The following NKIRAS2 variants were observed in gnomAD, a reference collection of about 807,000 sequenced individuals.
NKIRAS2 encodes the protein NF-kappa-B inhibitor-interacting Ras-like protein 2.
In NKIRAS2, 15 loss-of-function variants were observed where a neutral mutation model predicts 20.7. That is an observed-to-expected ratio of 0.73 (90% CI 0.49 to 1.12). NKIRAS2 has a LOEUF of 1.12. NKIRAS2 is among the 50% of genes most tolerant of loss of function. The pLI is 0.00. For missense variants in NKIRAS2, 196 were observed against 249.6 expected (o/e 0.79, Z 1.45); for synonymous variants, 116 against 101.4 (o/e 1.14, Z -0.87).
upstream of NKIRAS2, chr17:42,017,589 G>A (rs1176149480): frequency 1.3e-5 from 10 of 789,926 alleles, no homozygotes; most frequent in African/African-American, 3.5e-5. Context: ...TGTCCACGGT[G>A]GTCTCCGCGC....
In NKIRAS2 at chr17:42,022,613, G is replaced by A. The variant is rs2052483696; in HGVS notation, c.309G>A (p.Glu103=). The A allele has an allele frequency of 1.9e-6, 3 of 1,613,742 alleles. No homozygotes were observed. The South Asian group carries it at 3.3e-5, about 18-fold the overall frequency. The change falls in exon 3 of 4, where the codon GAG becomes GAA. Residue 103 remains glutamate (E), a synonymous_variant. Transcript: ENST00000393885. The part of the protein sequence containing the change: ...SFQRVELLKK[E]IDKSKDKKEV... ...AGCGTGTGGAGCTGCTCAAGAAGGA[G>A]ATTGACAAATCCAAGGACAAGAAGG... is the stretch of plus-strand genomic sequence containing the variant.
upstream of NKIRAS2, among the ~76,000 whole-genome samples, chr17:42,019,540 T>C (rs2052391443): frequency 6.6e-6 from 1 of 152,238 alleles, no homozygotes. Flanking sequence ...AGGTCCTTTC[T>C]ACCACCAATA....
intron 1 of NKIRAS2, 125 bp downstream of exon 1, chr17:42,020,329 G>A (rs911011691): frequency 6.6e-6 from 1 of 152,386 alleles, no homozygotes; most frequent in Non-Finnish European, 1.5e-5. Flanking sequence ...ATCTGTGGCG[G>A]AGGCACCTCT....
Position 42,023,670 on chromosome 17 carries a change from T to C in NKIRAS2, c.353T>C (p.Leu118Pro). 1 of 1,614,198 alleles carries C rather than the reference T, an allele frequency of 6.2e-7. No individual in the cohort carries two copies. The highest frequency in any genetic ancestry group is 2.2e-5 in the East Asian group (1 of 44,880). The change falls in exon 4 of 4, where the codon CTT (leucine) becomes CCT (proline). Residue 118 changes from leucine (L) to proline (P), a missense_variant. Transcript: ENST00000393885. ...KDKKEVTIVV[L>P]GNKCDLQEQR... The stretch of plus-strand genomic sequence containing the variant: ...CTTCCCCAGGTCACCATCGTGGTCC[T>C]TGGCAACAAGTGTGACTTACAGGAG...
upstream of NKIRAS2, among the ~76,000 whole-genome samples, chr17:42,019,448 A>G (rs144040755): frequency 1.7e-3 from 256 of 152,270 alleles, no homozygotes; most frequent in African/African-American, 5.6e-3. Context: ...ATTGCCGTCA[A>G]TTTGATCTCT....
upstream of NKIRAS2, among the ~76,000 whole-genome samples, chr17:42,017,993 C>T (rs1195786199): frequency 2.0e-5 from 3 of 152,136 alleles, no homozygotes; most frequent in African/African-American, 7.2e-5. Flanking sequence ...TCATCCACTC[C>T]GGATCTCCAA....
intron 1 of NKIRAS2, chr17:42,021,336 A>G (rs1213647568): frequency 4.1e-6 from 2 of 493,244 alleles, no homozygotes; most frequent in Non-Finnish European, 7.4e-6. Context: ...CCAGTAGTAG[A>G]CATGGAGACA....
At chr17:42,022,327 C>T (rs782199758) in intron 2 of NKIRAS2, 72 bp from the exon 3 acceptor site, 7 of 1,503,870 alleles carry the variant, frequency 4.7e-6, no homozygotes, top group Middle Eastern at 1.8e-4. Flanking sequence ...TTTGGTCAGC[C>T]TTAAGATGCT....
chr17:42,020,391 G>A (rs994117123), intron 1 of NKIRAS2, 187 bp downstream of exon 1: 1 of 152,484 alleles, frequency 6.6e-6, no homozygotes, highest in Non-Finnish European at 1.5e-5. Flanking sequence ...TGGAGAGGGG[G>A]TCTGTGTCAG....
At chr17:42,019,092 T>G (rs1255887375), upstream of NKIRAS2, among the ~76,000 whole-genome samples, 2 of 152,172 alleles carry the variant, frequency 1.3e-5, no homozygotes, top group Non-Finnish European at 2.9e-5. Flanking sequence ...CCATCCCGAT[T>G]CAGGCGCTCA....
upstream of NKIRAS2, among the ~76,000 whole-genome samples, chr17:42,019,488 C>G (rs1255692651): frequency 6.6e-6 from 1 of 152,140 alleles, no homozygotes; most frequent in African/African-American, 2.4e-5. Flanking sequence ...CTTTGATTAT[C>G]TGTTTCTTTT....
Position 42,024,192 on chromosome 17 carries a change from A to C in NKIRAS2, c.*299A>C, listed in dbSNP as rs1056035570. 2.5e-6 allele frequency: 1 copy of C among 396,194 alleles called. No individual in the cohort carries two copies. 24.5% of individuals were successfully genotyped at this position (396,194 alleles called of 1,614,324 possible). Reference sequence around the variant, plus strand: ...TCCCTTCCAGCTGCCCCAGACAGGAAGCAGAGTCACCACGCAGCAGTGTCC... The same window carrying C: ...TCCCTTCCAGCTGCCCCAGACAGGACGCAGAGTCACCACGCAGCAGTGTCC... On this transcript the variant is annotated 3_prime_UTR_variant, in exon 4 of 4. Transcript: ENST00000393885.
chr17:42,019,832 GA>G (rs1379756988), upstream of NKIRAS2, among the ~76,000 whole-genome samples: 2 of 152,260 alleles, frequency 1.3e-5, no homozygotes, highest in Non-Finnish European at 2.9e-5. Context: ...ACGAATAAAT[GA>G]TTGAGTAAAC....
intron 1 of NKIRAS2, 198 bp from the exon 2 acceptor site, chr17:42,021,366 A>G (rs1427990173): frequency 3.6e-6 from 2 of 549,156 alleles, no homozygotes; most frequent in South Asian, 2.1e-5. Flanking sequence ...TCTGACTAGC[A>G]TTGGGATGGT....
chr17:42,020,383 G>A (rs2143428064), intron 1 of NKIRAS2, 179 bp downstream of exon 1: 1 of 152,678 alleles, frequency 6.5e-6, no homozygotes, highest in East Asian at 1.9e-4. Context: ...TCGCTATATG[G>A]AGAGGGGGTC....
upstream of NKIRAS2, among the ~76,000 whole-genome samples, chr17:42,019,299 A>C (rs976624652): frequency 2.0e-5 from 3 of 151,888 alleles, no homozygotes; most frequent in Non-Finnish European, 2.9e-5. Flanking sequence ...ACAACAACAA[A>C]ACAACAGAAA....
At chr17:42,018,347 G>A (rs879982442), upstream of NKIRAS2, 5 of 152,122 alleles carry the variant, frequency 3.3e-5, no homozygotes, top group Non-Finnish European at 7.3e-5. Context: ...GAGCTTTCTG[G>A]GGTTAAATTG....
Position 42,021,655 on chromosome 17 carries a change from T to C in NKIRAS2, c.78T>C (p.Tyr26=). ...GKTSILEQLL[Y]GNHVVGSEMI... is the part of the protein sequence containing the mutation. The stretch of plus-strand genomic sequence containing the variant: ...CTTCAATCCTGGAGCAGCTTCTGTA[T>C]GGGAACCATGTAGTGGGTGAGTGTT... Residue 26 remains tyrosine, a synonymous_variant, in exon 2 of 4, where the codon TAT becomes TAC. Coordinates refer to ENST00000393885, the MANE Select transcript of NKIRAS2 (RefSeq NM_017595.6). 1.9e-6 allele frequency: 3 copies of C among 1,614,080 alleles called. No individual in the cohort carries two copies. Among genetic ancestry groups the C allele is most frequent in the Non-Finnish European group, 2.5e-6 (3 of 1,179,946 alleles).
In NKIRAS2 at chr17:42,022,653, G is replaced by C; in HGVS notation, c.336+13G>C. The stretch of plus-strand genomic sequence containing the variant: ...GGACAAGAAGGAGGTGTGTGGCATA[G>C]GCTTCTGGTGGGAGCCTCAGTGGTC... On this transcript the variant is annotated intron_variant, in intron 3 of 3. Transcript: ENST00000393885. The C allele has an allele frequency of 6.2e-7, 1 of 1,603,686 alleles. No individual in the cohort carries two copies. Among genetic ancestry groups the C allele is most frequent in the Non-Finnish European group, 8.5e-7 (1 of 1,171,822 alleles).
Sources: allele counts gnomAD v4.1 joint callset (sites outside exome capture counted in the v4.1 genomes callset), GRCh38; gene constraint gnomAD v4.1.1; transcripts MANE v1.5; gene names NCBI Gene and HGNC (gene_info 2026-07-23, HGNC 2026-07-21).